The following DDX1 variants were observed in gnomAD, a reference collection of about 807,000 sequenced individuals.
The protein encoded by DDX1 is ATP-dependent RNA helicase DDX1.
In DDX1, 28 loss-of-function variants were observed where a neutral mutation model predicts 108.7. The ratio of observed to expected loss-of-function variants is 0.26; its 90% CI spans 0.19 to 0.35. The LOEUF (loss-of-function observed/expected upper bound fraction) is 0.35, where lower values mean the gene tolerates loss of function less well. DDX1 is among the 10% of genes least tolerant of loss of function. The pLI is 1.00. For synonymous variants in DDX1, 295 were observed against 288.9 expected (o/e 1.02, Z -0.21); for missense variants, 710 against 884.5 (o/e 0.80, Z 2.50).
chr2:15,600,104 A>G (rs1473459830), intron 6 of DDX1, among the ~76,000 whole-genome samples: 5 of 152,362 alleles, frequency 3.3e-5, no homozygotes, highest in South Asian at 4.1e-4. Flanking sequence ...AGAAAACTAC[A>G]TGTATAATTT....
chr2:15,607,240 TC>T lies in DDX1; in HGVS notation c.886del (p.Arg296GlyfsTer3). On this transcript the variant is annotated frameshift_variant, in exon 13 of 26. Coordinates refer to ENST00000233084, the MANE Select transcript of DDX1 (RefSeq NM_004939.3). LOFTEE classifies it high-confidence loss of function. ...TCCGAAAGCTCTCATTGTTGAACCT[TC>T]CCGGGAGTTAGCTGAACAAACTTTG... ...NAPKALIVEPSRELAEQTLNN... is the reference protein window; with the variant it reads ...NAPKALIVEPXRELAEQTLNN... 1 of 1,613,784 alleles carries T rather than the reference TC, an allele frequency of 6.2e-7. No individual in the cohort carries two copies. The highest frequency in any genetic ancestry group is 8.5e-7 in the Non-Finnish European group (1 of 1,179,706).
chr2:15,626,660 G>T (rs1666104450), intron 19 of DDX1, among the ~76,000 whole-genome samples: 1 of 152,140 alleles, frequency 6.6e-6, no homozygotes, highest in Non-Finnish European at 1.5e-5. Context: ...GGCCTTTTAG[G>T]AAGCACATTA....
In DDX1 at chr2:15,607,214, C is replaced by T. The variant is rs199998875; in HGVS notation, c.857C>T (p.Ala286Val). 3 of 1,614,030 alleles carry T rather than the reference C, an allele frequency of 1.9e-6. No individual in the cohort carries two copies. Among genetic ancestry groups the T allele is most frequent in the Non-Finnish European group, 2.5e-6 (3 of 1,179,892 alleles). Residue 286 changes from alanine to valine, a missense_variant, in exon 13 of 26, where the codon GCT (alanine) becomes GTT (valine). Physicochemically the swap from Ala to Val is moderately conservative, Grantham distance 64. Transcript: ENST00000233084. The stretch of plus-strand genomic sequence containing the variant: ...ACACAAACAAAGTTTCTCCCCAATG[C>T]TCCGAAAGCTCTCATTGTTGAACCT... ...QVTQTKFLPNAPKALIVEPSR... is the reference protein window; with the variant it reads ...QVTQTKFLPNVPKALIVEPSR...
intron 12 of DDX1, 89 bp from the exon 13 acceptor site, chr2:15,607,086 T>G: frequency 3.4e-6 from 4 of 1,173,160 alleles, no homozygotes; most frequent in Non-Finnish European, 4.9e-6. Context: ...TGTAAAATGT[T>G]GATATTAGAA....
intron 1 of DDX1, among the ~76,000 whole-genome samples, chr2:15,593,393 T>A (rs1262548868): frequency 1.3e-5 from 2 of 152,124 alleles, no homozygotes; most frequent in Admixed American, 6.5e-5. Flanking sequence ...ATGTTAGAGG[T>A]AAAGGACTGG....
rs921106178 is a variant in DDX1 at position 15,595,423 on chromosome 2, G to A, written c.69-67G>A. ...AAAATTTTCTTTTAGGCAAATTAAC[G>A]TGACTTAATTTGCTTAGGCGATTTT... On this transcript the variant is annotated intron_variant, in intron 2 of 25. Transcript: ENST00000233084. The A allele has an allele frequency of 3.2e-5, 42 of 1,312,260 alleles. No individual in the cohort carries two copies. The Middle Eastern group carries it at 5.4e-4, about 17-fold the overall frequency. 81.3% of individuals were successfully genotyped at this position (1,312,260 alleles called of 1,614,324 possible).
At position 15,630,864 on chromosome 2, in the gene DDX1, G is replaced by T. The variant is rs1034748515; in HGVS notation, c.2181G>T (p.Leu727=). The change falls in exon 26 of 26, where the codon CTG becomes CTT. Residue 727 remains leucine, a synonymous_variant. Coordinates refer to ENST00000233084, the MANE Select transcript of DDX1 (RefSeq NM_004939.3). ...ALEKEAQTSF[L]HLGYLPNQLF... ...AAAAGGAGGCGCAGACATCTTTCCT[G>T]CATCTTGGCTACCTTCCTAACCAGC... is the stretch of plus-strand genomic sequence containing the variant. 2.4e-5 allele frequency: 38 copies of T among 1,613,998 alleles called. No homozygotes were observed. The highest frequency in any genetic ancestry group is 3.1e-5 in the Non-Finnish European group (37 of 1,179,984).
At chr2:15,597,528 C>T in intron 5 of DDX1, 57 bp downstream of exon 5, 1 of 1,158,228 alleles carries the variant, frequency 8.6e-7, no homozygotes, top group South Asian at 1.4e-5. Flanking sequence ...TCATCACTGA[C>T]AGTTAGGAAA....
intron 1 of DDX1, among the ~76,000 whole-genome samples, chr2:15,594,910 G>A (rs912187094): frequency 6.6e-6 from 1 of 152,150 alleles, no homozygotes; most frequent in African/African-American, 2.4e-5. Flanking sequence ...ATTTTGTGTG[G>A]AGAAAACAGA....
rs1308316556 is a variant in DDX1, at chr2:15,623,498, C to T, written c.1510C>T (p.His504Tyr). The change falls in exon 19 of 26, where the codon CAT becomes TAT. Residue 504 changes from histidine (H) to tyrosine (Y), a missense_variant. Physicochemically the swap from His to Tyr is moderately conservative, Grantham distance 83. This residue lies in a region of DDX1 where 661 missense variants were observed against 810.2 expected (regional missense o/e 0.82). Transcript: ENST00000233084. ...GEYAVRAIKEHKMDQAIIFCR... is the reference protein window; with the variant it reads ...GEYAVRAIKEYKMDQAIIFCR... The stretch of plus-strand genomic sequence containing the variant: ...GTATGCTGTCCGGGCAATCAAGGAA[C>T]ATAAGATGGATCAAGCAATTATCTT... The T allele has an allele frequency of 1.9e-6, 3 of 1,613,480 alleles. No individual in the cohort carries two copies. Among genetic ancestry groups the T allele is most frequent in the Admixed American group, 1.7e-5 (1 of 60,004 alleles).
chr2:15,629,162 T>C (rs1395614290), intron 23 of DDX1, among the ~76,000 whole-genome samples: 1 of 152,168 alleles, frequency 6.6e-6, no homozygotes, highest in Admixed American at 6.5e-5. Flanking sequence ...TAATTACAAA[T>C]TTATAGAAAA....
chr2:15,626,410 A>C (rs1182761350), intron 19 of DDX1, among the ~76,000 whole-genome samples: 1 of 152,118 alleles, frequency 6.6e-6, no homozygotes, highest in Non-Finnish European at 1.5e-5. Context: ...ACTGAACTTA[A>C]TTTACCTTGG....
In DDX1 at chr2:15,622,665, TC is replaced by T. The variant is rs564271398; in HGVS notation, c.1448-769del. Reference sequence around the variant, plus strand: ...AATTAACAAGACACATACTTAGTTATCCTTATTGTTGGAGAAGAGCAGAGAC... The same window carrying T: ...AATTAACAAGACACATACTTAGTTATCTTATTGTTGGAGAAGAGCAGAGAC... On this transcript the variant is annotated intron_variant, in intron 18 of 25. Coordinates refer to ENST00000233084, the MANE Select transcript of DDX1 (RefSeq NM_004939.3). Among the ~76,000 whole-genome samples the T allele has an allele frequency of 2.9e-4, 44 of 152,348 alleles. No individual in the cohort carries two copies. In the South Asian group the frequency reaches 8.9e-3, roughly 31 times the overall value.
chr2:15,620,073 T>C (rs1413928430), intron 16 of DDX1, 135 bp from the exon 17 acceptor site: 4 of 740,820 alleles, frequency 5.4e-6, no homozygotes, highest in Non-Finnish European at 8.7e-6. Context: ...ACTCTAGTTG[T>C]CGCTACATAG....
intron 19 of DDX1, among the ~76,000 whole-genome samples, chr2:15,623,791 G>A (rs990504226): frequency 1.3e-5 from 2 of 152,018 alleles, no homozygotes; most frequent in Non-Finnish European, 2.9e-5. Flanking sequence ...TTTCATTACA[G>A]TAAACTTGAA....
In DDX1 at chr2:15,591,940, G is replaced by A. The variant is rs1442129612; in HGVS notation, c.7G>A (p.Ala3Thr). 8 of 1,440,828 alleles carry A rather than the reference G, an allele frequency of 5.6e-6. No homozygotes were observed. The highest frequency in any genetic ancestry group is 1.5e-5 in the African/African-American group (1 of 66,632). The allele number at this position is 1,440,828 out of a possible 1,614,324, so 89.3% of individuals were successfully genotyped here. ...CGCGGAGGACGGGGTGAAGATGGCG[G>A]CCTTCTCCGGTGCGTTTGTGGAAAC... MA[A>T]FSEMGVMPEI... Residue 3 changes from alanine (A) to threonine (T), a missense_variant, in exon 1 of 26, where the codon GCC becomes ACC. This residue lies in a region of DDX1 where 48 missense variants were observed against 57.5 expected (regional missense o/e 0.83). Coordinates refer to ENST00000233084, the MANE Select transcript of DDX1 (RefSeq NM_004939.3).
intron 17 of DDX1, 82 bp from the exon 18 acceptor site, chr2:15,620,983 T>G: frequency 1.2e-6 from 1 of 852,876 alleles, no homozygotes; most frequent in Non-Finnish European, 1.9e-6. Context: ...CAAATATAAA[T>G]CTCCCTTTTA....
chr2:15,628,815 C>T lies in DDX1; in HGVS notation c.1851C>T (p.Ser617=). 1 of 1,613,626 alleles carries T rather than the reference C, an allele frequency of 6.2e-7. No homozygotes were observed. The highest frequency in any genetic ancestry group is 8.5e-7 in the Non-Finnish European group (1 of 1,179,694). Residue 617 remains serine, a synonymous_variant, in exon 23 of 26, where the codon TCC becomes TCT. Transcript: ENST00000233084. ...CTTTCAGGATGGGTCTGGCAATTTC[C>T]CTGGTGGCAACAGAAAAAGAAAAGG... The part of the protein sequence containing the change: ...GRAERMGLAI[S]LVATEKEKVW...
intron 16 of DDX1, among the ~76,000 whole-genome samples, chr2:15,618,963 G>C (rs1253145391): frequency 6.6e-6 from 1 of 152,230 alleles, no homozygotes; most frequent in African/African-American, 2.4e-5. Flanking sequence ...GAGAGGCCAG[G>C]CAGTGGAAGC....
Sources: allele counts gnomAD v4.1 joint callset (sites outside exome capture counted in the v4.1 genomes callset), GRCh38; gene constraint gnomAD v4.1.1; regional missense constraint gnomAD v4.1.1; transcripts MANE v1.5; gene names NCBI Gene and HGNC (gene_info 2026-07-23, HGNC 2026-07-21).